RYR3: variants seen among roughly 807,000 people sequenced by gnomAD.
RYR3 encodes brain ryanodine receptor-calcium release channel.
A neutral mutation model predicts 584.3 loss-of-function variants in RYR3; 207 were observed. The observed-to-expected ratio is 0.35, with a 90% CI of 0.32 to 0.40. RYR3 has a LOEUF of 0.40. Ranked by LOEUF, RYR3 falls within the 10% of genes least tolerant of loss-of-function variation. The probability of loss-of-function intolerance (pLI) is 1.00; values close to 1 mark genes in which losing one functional copy is unlikely to be tolerated. For synonymous variants in RYR3, 2,416 were observed against 2,248.5 expected (o/e 1.07, Z -2.11); for missense variants, 5,616 against 6,089.2 (o/e 0.92, Z 2.59).
rs1361900483 is a variant in RYR3, at chr15:33,838,311, C to T, written c.12331C>T (p.Pro4111Ser). 1.2e-6 allele frequency: 2 copies of T among 1,613,864 alleles called. No individual in the cohort carries two copies. The highest frequency in any genetic ancestry group is 1.7e-6 in the Non-Finnish European group (2 of 1,179,868). The stretch of plus-strand genomic sequence containing the variant: ...CTCTGAATCCGATTCAGCTGACAGG[C>T]CAGAAGAGGAGGAAGAAGATGAAGA... ...QISESDSADR[P>S]EEEEEDEDSS... Residue 4111 changes from proline (P) to serine (S), a missense_variant, in exon 89 of 104, where the codon CCA becomes TCA. Pro to Ser is a moderately conservative substitution (Grantham distance 74, BLOSUM62 -1). Coordinates refer to ENST00000634891, the MANE Select transcript of RYR3 (RefSeq NM_001036.6).
At chr15:33,543,505 GTC>G in intron 7 of RYR3, 115 bp from the exon 8 acceptor site, 2 of 723,652 alleles carry the variant, frequency 2.8e-6, no homozygotes, top group Non-Finnish European at 5.0e-6. Flanking sequence ...ATCAAAATGT[GTC>G]TCTCTCAGTA....
intron 8 of RYR3, among the ~76,000 whole-genome samples, chr15:33,545,734 C>T (rs1595528798): frequency 6.6e-6 from 1 of 152,024 alleles, no homozygotes; most frequent in Non-Finnish European, 1.5e-5. Flanking sequence ...TGGCCAGGAG[C>T]ACCAAAATCT....
At chr15:33,480,943 A>AT (rs1291807154) in intron 2 of RYR3, among the ~76,000 whole-genome samples, 1 of 152,212 alleles carries the variant, frequency 6.6e-6, no homozygotes, top group Non-Finnish European at 1.5e-5. Flanking sequence ...GTTAAAAACT[A>AT]TGAGGATTTG....
chr15:33,425,851 C>T lies in RYR3; in HGVS notation c.52-47568C>T, dbSNP rs1207319586. On this transcript the variant is annotated intron_variant, in intron 1 of 103. Transcript: ENST00000634891. ...TAGAGACGGGGTTTCACCGTGTTAGCCAGGATGGTCTCAATCTCCTGACCT... is the reference window on the plus strand; with the variant it reads ...TAGAGACGGGGTTTCACCGTGTTAGTCAGGATGGTCTCAATCTCCTGACCT... Among the ~76,000 whole-genome samples the T allele has an allele frequency of 2.0e-5, 3 of 151,992 alleles. No individual in the cohort carries two copies. In the East Asian group the frequency reaches 5.8e-4, roughly 29 times the overall value.
intron 1 of RYR3, among the ~76,000 whole-genome samples, chr15:33,328,710 A>G (rs1156503281): frequency 6.6e-6 from 1 of 152,136 alleles, no homozygotes; most frequent in African/African-American, 2.4e-5. Flanking sequence ...TAATATGGTC[A>G]TTTGAATGCC....
chr15:33,417,483 A>G (rs768672708), intron 1 of RYR3, among the ~76,000 whole-genome samples: 6 of 151,940 alleles, frequency 3.9e-5, no homozygotes, highest in African/African-American at 9.7e-5. Context: ...TTTGGTTTTC[A>G]GCTTGACCGT....
At chr15:33,757,866 G>A (rs1452937122) in intron 60 of RYR3, 2 of 454,484 alleles carry the variant, frequency 4.4e-6, no homozygotes, top group East Asian at 8.4e-5. Flanking sequence ...TGGCCGAATA[G>A]GAACAGCTCT....
intron 1 of RYR3, among the ~76,000 whole-genome samples, chr15:33,435,071 C>T (rs909402141): frequency 7.9e-5 from 12 of 152,228 alleles, no homozygotes; most frequent in Middle Eastern, 6.8e-3. Context: ...CCGCCCGCCT[C>T]GACCTCCCAA....
intron 21 of RYR3, 65 bp from the exon 22 acceptor site, chr15:33,629,875 T>C (rs1270863375): frequency 4.8e-6 from 4 of 833,464 alleles, no homozygotes; most frequent in Non-Finnish European, 7.8e-6. Context: ...TGTTCTGTTC[T>C]GTTTTCCCAT....
In RYR3 at chr15:33,390,174, G is replaced by A. The variant is rs1393298032; in HGVS notation, c.51+79078G>A. Among the ~76,000 whole-genome samples, 3 of 152,194 alleles carry A rather than the reference G, an allele frequency of 2.0e-5. No individual in the cohort carries two copies. The highest frequency in any genetic ancestry group is 7.2e-5 in the African/African-American group (3 of 41,438). On this transcript the variant is annotated intron_variant, in intron 1 of 103. Coordinates refer to ENST00000634891, the MANE Select transcript of RYR3 (RefSeq NM_001036.6). The surrounding 1 kb of genome is among the most constrained non-coding windows in gnomAD (Gnocchi z 4.2). The stretch of plus-strand genomic sequence containing the variant: ...GTCTCGCTGCTGGGAGACAAGAAAT[G>A]AAATCTCAGTTTTCAATATGCTTTT...
At chr15:33,533,467 G>A (rs918715486) in intron 5 of RYR3, 78 bp downstream of exon 5, 34 of 1,001,904 alleles carry the variant, frequency 3.4e-5, no homozygotes, top group African/African-American at 9.6e-5. Flanking sequence ...CCCTGAATGC[G>A]TTACTCATTT....
intron 1 of RYR3, among the ~76,000 whole-genome samples, chr15:33,392,261 G>C (rs902722091): frequency 5.3e-5 from 8 of 151,156 alleles, no homozygotes; most frequent in African/African-American, 1.9e-4. Context: ...GGGTCTCGTT[G>C]CATGCGTCAG....
chr15:33,361,894 T>C (rs546029129), intron 1 of RYR3, among the ~76,000 whole-genome samples: 2 of 152,298 alleles, frequency 1.3e-5, no homozygotes, highest in African/African-American at 4.8e-5. Context: ...GTGATGCTTG[T>C]TGTCAGGAAA....
intron 1 of RYR3, among the ~76,000 whole-genome samples, chr15:33,337,627 G>C (rs977048402): frequency 6.6e-6 from 1 of 152,040 alleles, no homozygotes; most frequent in African/African-American, 2.4e-5. Flanking sequence ...AATAACATCA[G>C]TTGGAATTTA....
chr15:33,616,173 A>T (rs1450827889), intron 19 of RYR3, among the ~76,000 whole-genome samples: 1 of 152,180 alleles, frequency 6.6e-6, no homozygotes, highest in African/African-American at 2.4e-5. Context: ...CATCTGAAAA[A>T]ACTACTTAGG....
chr15:33,562,767 T>C (rs769338427), intron 10 of RYR3, 70 bp from the exon 11 acceptor site: 2 of 1,152,578 alleles, frequency 1.7e-6, no homozygotes, highest in African/African-American at 1.5e-5. Flanking sequence ...CATAGGTGAT[T>C]CGTTTTGTAT....
chr15:33,697,226 G>A (rs1193078755), intron 39 of RYR3, among the ~76,000 whole-genome samples: 1 of 152,204 alleles, frequency 6.6e-6, no homozygotes. Context: ...GATCCTTGGA[G>A]GGAAATGCAC....
At chr15:33,582,469 G>C (rs1180799933) in intron 14 of RYR3, among the ~76,000 whole-genome samples, 3 of 152,206 alleles carry the variant, frequency 2.0e-5, no homozygotes, top group African/African-American at 7.2e-5. Context: ...GTATGACCCT[G>C]TAAAGTGTCT....
At chr15:33,598,514 T>C (rs1485767472) in intron 16 of RYR3, among the ~76,000 whole-genome samples, 1 of 151,854 alleles carries the variant, frequency 6.6e-6, no homozygotes, top group East Asian at 1.9e-4. Flanking sequence ...TACCAGCTGG[T>C]TGTTAAATGC....
Sources: gnomAD v4.1 joint callset for allele counts (sites outside exome capture counted in the v4.1 genomes callset) on GRCh38, gnomAD v4.1.1 for gene constraint, Gnocchi (gnomAD v3.1) non-coding constraint, MANE v1.5 for transcripts, NCBI Gene and HGNC (gene_info 2026-07-23, HGNC 2026-07-21) for gene names.